Variants in NDST3 observed in about 807,000 individuals in gnomAD.
NDST3 encodes N-deacetylase and N-sulfotransferase 3, also known as bifunctional heparan sulfate N-deacetylase/N-sulfotransferase 3.
A neutral mutation model predicts 96.1 loss-of-function variants in NDST3; 58 were observed. The observed-to-expected ratio is 0.60, with a 90% CI of 0.49 to 0.75. The LOEUF (loss-of-function observed/expected upper bound fraction) is 0.75. Among genes scored for constraint, NDST3 ranks in the 30% least tolerant of loss-of-function variants. The pLI is 0.00. For synonymous variants in NDST3, 333 were observed against 359.7 expected (o/e 0.93, Z 0.84); for missense variants, 788 against 1,034.2 (o/e 0.76, Z 3.27).
chr4:118,151,064 A>T (rs1404177821), intron 6 of NDST3, among the ~76,000 whole-genome samples: 1 of 152,180 alleles, frequency 6.6e-6, no homozygotes, highest in Non-Finnish European at 1.5e-5. Context: ...GCCATAAAAA[A>T]TGATGAGTTC....
intron 4 of NDST3, among the ~76,000 whole-genome samples, chr4:118,131,339 C>T (rs1022931359): frequency 2.6e-5 from 4 of 151,952 alleles, no homozygotes; most frequent in African/African-American, 9.6e-5. Flanking sequence ...TTCAAGTTCA[C>T]TGATTCTTTC....
intron 6 of NDST3, among the ~76,000 whole-genome samples, chr4:118,211,787 T>C (rs972960854): frequency 2.6e-5 from 4 of 152,138 alleles, no homozygotes; most frequent in African/African-American, 7.2e-5. Context: ...GAAAGTACAG[T>C]CCGTAAATCT....
chr4:118,123,506 T>A (rs189587778), intron 4 of NDST3, among the ~76,000 whole-genome samples: 33 of 152,272 alleles, frequency 2.2e-4, no homozygotes, highest in African/African-American at 7.5e-4. Context: ...ATAATTTTCT[T>A]TTCAGTTATT....
chr4:118,216,921 T>G (rs1429373319), intron 6 of NDST3, among the ~76,000 whole-genome samples: 1 of 152,036 alleles, frequency 6.6e-6, no homozygotes, highest in Non-Finnish European at 1.5e-5. Context: ...TTACAGACAG[T>G]TCAGAGAATA....
intron 4 of NDST3, among the ~76,000 whole-genome samples, chr4:118,116,965 A>G (rs751209805): frequency 6.6e-6 from 1 of 152,250 alleles, no homozygotes; most frequent in Non-Finnish European, 1.5e-5. Flanking sequence ...ATCATGTGTA[A>G]AAGAATAATT....
intron 8 of NDST3, among the ~76,000 whole-genome samples, chr4:118,230,574 CAAA>C (rs552747610): frequency 9.4e-6 from 1 of 106,332 alleles, no homozygotes; most frequent in Non-Finnish European, 2.0e-5. Flanking sequence ...GACTCCGTTT[CAAA>C]AAAAAAAAAA....
intron 12 of NDST3, among the ~76,000 whole-genome samples, chr4:118,244,165 A>T (rs1741167999): frequency 6.6e-6 from 1 of 151,758 alleles, no homozygotes; most frequent in Non-Finnish European, 1.5e-5. Flanking sequence ...ACCTTGTAAA[A>T]CCTGGCAGTG....
intron 4 of NDST3, among the ~76,000 whole-genome samples, chr4:118,125,116 T>G (rs899759224): frequency 1.3e-5 from 2 of 152,140 alleles, no homozygotes; most frequent in East Asian, 3.8e-4. Context: ...CTCAAAGCTC[T>G]CATTCTCTAA....
chr4:118,210,062 C>CT (rs1285487530), intron 6 of NDST3, among the ~76,000 whole-genome samples: 3 of 152,106 alleles, frequency 2.0e-5, no homozygotes, highest in Non-Finnish European at 4.4e-5. Flanking sequence ...TTTCTAACAC[C>CT]TACCCACACC....
chr4:118,253,385 C>A, intron 12 of NDST3, 114 bp from the exon 13 acceptor site: 1 of 581,284 alleles, frequency 1.7e-6, no homozygotes, highest in South Asian at 2.9e-5. Flanking sequence ...GATTGTTATC[C>A]AAATAAAATA....
At chr4:118,151,426 A>C (rs1734389901) in intron 6 of NDST3, among the ~76,000 whole-genome samples, 1 of 152,156 alleles carries the variant, frequency 6.6e-6, no homozygotes, top group Non-Finnish European at 1.5e-5. Flanking sequence ...CAACAACAAC[A>C]ACAAAAATAA....
At chr4:118,077,825 G>C (rs1256785943) in intron 2 of NDST3, among the ~76,000 whole-genome samples, 5 of 152,198 alleles carry the variant, frequency 3.3e-5, no homozygotes, top group African/African-American at 1.2e-4. Context: ...GGGAACATGG[G>C]ATTGTGCTTG....
At chr4:118,151,884 C>A (rs974713668) in intron 6 of NDST3, among the ~76,000 whole-genome samples, 10 of 152,088 alleles carry the variant, frequency 6.6e-5, no homozygotes, top group African/African-American at 2.2e-4. Flanking sequence ...AGAGGCCCCT[C>A]CTGCGTTTCT....
At chr4:118,045,406 A>G (rs968115631) in intron 1 of NDST3, among the ~76,000 whole-genome samples, 1 of 152,226 alleles carries the variant, frequency 6.6e-6, no homozygotes, top group African/African-American at 2.4e-5. Flanking sequence ...TTTATAATTT[A>G]GAACATTTTA....
chr4:118,041,222 TGCAG>T (rs1724446773), intron 1 of NDST3, among the ~76,000 whole-genome samples: 1 of 152,182 alleles, frequency 6.6e-6, no homozygotes, highest in African/African-American at 2.4e-5. Context: ...GTATCTTTGA[TGCAG>T]GCTGTTGGAG....
At chr4:118,083,818 C>T (rs1339694430) in intron 2 of NDST3, among the ~76,000 whole-genome samples, 2 of 152,084 alleles carry the variant, frequency 1.3e-5, no homozygotes, top group African/African-American at 4.8e-5. Flanking sequence ...AATGGAAAAG[C>T]AGGAGTCAAA....
intron 1 of NDST3, among the ~76,000 whole-genome samples, chr4:118,042,956 T>C (rs1358899348): frequency 6.6e-6 from 1 of 152,236 alleles, no homozygotes; most frequent in East Asian, 1.9e-4. Flanking sequence ...ATGTACAACA[T>C]ACTGTTGGCT....
In NDST3 at chr4:118,090,900, T is replaced by C. The variant is rs547401052; in HGVS notation, c.982-14118T>C. On this transcript the variant is annotated intron_variant, in intron 2 of 13. Transcript: ENST00000296499. ...GGATGAGATGTAAAGAGATAAAATATGTACATAGTTACAATTATATTTTAC... is the reference window on the plus strand; with the variant it reads ...GGATGAGATGTAAAGAGATAAAATACGTACATAGTTACAATTATATTTTAC... Among the ~76,000 whole-genome samples, 139 of 152,018 alleles carry C rather than the reference T, an allele frequency of 9.1e-4. 2 individuals are homozygous for C. The highest frequency in any genetic ancestry group is 3.1e-3 in the African/African-American group (130 of 41,516).
chr4:118,190,334 T>C (rs962628405), intron 6 of NDST3, among the ~76,000 whole-genome samples: 3 of 152,182 alleles, frequency 2.0e-5, no homozygotes, highest in Admixed American at 6.5e-5. Context: ...ATAAAAAAAG[T>C]CAAGGTATAT....
Sources: gnomAD v4.1 joint callset for allele counts (sites outside exome capture counted in the v4.1 genomes callset) on GRCh38, gnomAD v4.1.1 for gene constraint, MANE v1.5 for transcripts, NCBI Gene and HGNC (gene_info 2026-07-23, HGNC 2026-07-21) for gene names.